The following UNC13C variants were observed in gnomAD, a reference collection of about 807,000 sequenced individuals.
UNC13C encodes unc-13 homolog C.
A neutral mutation model predicts 245.4 loss-of-function variants in UNC13C; 174 were observed. The ratio of observed to expected loss-of-function variants is 0.71; its 90% CI spans 0.63 to 0.80. UNC13C has a LOEUF of 0.80. Among genes scored for constraint, UNC13C ranks in the 30% least tolerant of loss-of-function variants. The pLI, the probability that UNC13C is intolerant of heterozygous loss-of-function variation, is 0.00. For synonymous variants in UNC13C, 992 were observed against 895.1 expected (o/e 1.11, Z -1.93); for missense variants, 2,829 against 2,602.9 (o/e 1.09, Z -1.89).
At chr15:54,573,761 G>A (rs1235457671) in intron 30 of UNC13C, among the ~76,000 whole-genome samples, 1 of 152,210 alleles carries the variant, frequency 6.6e-6, no homozygotes, top group African/African-American at 2.4e-5. Context: ...CTGGCATCTA[G>A]TACAGAGGCC....
chr15:53,877,839 A>C, the UNC13C span, among the ~76,000 whole-genome samples: 1 of 152,152 alleles, frequency 6.6e-6, no homozygotes, highest in Admixed American at 6.5e-5. Context: ...CAATATGCCA[A>C]TTCTACCCTC....
At chr15:54,245,155 C>T (rs893125270) in intron 7 of UNC13C, among the ~76,000 whole-genome samples, 1 of 152,050 alleles carries the variant, frequency 6.6e-6, no homozygotes, top group Non-Finnish European at 1.5e-5. Flanking sequence ...TTTTTAGTTT[C>T]ATGTATTTAT....
intron 17 of UNC13C, among the ~76,000 whole-genome samples, chr15:54,359,927 C>T (rs2039191053): frequency 1.3e-5 from 2 of 151,664 alleles, no homozygotes; most frequent in Non-Finnish European, 3.0e-5. Flanking sequence ...CTAAGGTATA[C>T]CTACCTTTCT....
At chr15:54,173,052 G>A (rs945814895) in intron 4 of UNC13C, among the ~76,000 whole-genome samples, 3 of 151,718 alleles carry the variant, frequency 2.0e-5, no homozygotes, top group Non-Finnish European at 4.4e-5. Flanking sequence ...TAATATGGAT[G>A]AGCCAATTTC....
At chr15:53,861,273 C>G in the UNC13C span, among the ~76,000 whole-genome samples, 1 of 152,172 alleles carries the variant, frequency 6.6e-6, no homozygotes, top group South Asian at 2.1e-4. Context: ...GTATAGTTAT[C>G]TAAAAGGTAA....
intron 2 of UNC13C, among the ~76,000 whole-genome samples, chr15:54,089,030 C>T (rs1430939305): frequency 6.6e-6 from 1 of 152,180 alleles, no homozygotes; most frequent in Admixed American, 6.5e-5. Context: ...TCACATACCA[C>T]AGGCTCATGC....
At chr15:53,955,409 A>C in the UNC13C span, among the ~76,000 whole-genome samples, 2 of 152,208 alleles carry the variant, frequency 1.3e-5, no homozygotes, top group Admixed American at 6.5e-5. Flanking sequence ...GGTTATTAAA[A>C]GACATGATTT....
chr15:54,461,560 T>C (rs1458372805), intron 19 of UNC13C, among the ~76,000 whole-genome samples: 1 of 152,210 alleles, frequency 6.6e-6, no homozygotes, highest in African/African-American at 2.4e-5. Flanking sequence ...TAAAAATCCA[T>C]TAATAATTGT....
intron 2 of UNC13C, among the ~76,000 whole-genome samples, chr15:54,094,749 A>C (rs1258184246): frequency 6.6e-6 from 1 of 152,056 alleles, no homozygotes; most frequent in Non-Finnish European, 1.5e-5. Context: ...TTTTGTTACA[A>C]TTCTCTCTCT....
At chr15:54,525,440 G>T (rs1035716987) in intron 24 of UNC13C, 109 bp from the exon 25 acceptor site, 3 of 568,558 alleles carry the variant, frequency 5.3e-6, no homozygotes, top group East Asian at 3.4e-5. Flanking sequence ...AGAGAAAAAA[G>T]CTTACATGTT....
the UNC13C span, among the ~76,000 whole-genome samples, chr15:53,864,450 C>T: frequency 6.6e-6 from 1 of 152,164 alleles, no homozygotes; most frequent in Non-Finnish European, 1.5e-5. Flanking sequence ...TCAAAGAAAG[C>T]TACCTAATAT....
chr15:54,303,471 C>T (rs186674850), intron 13 of UNC13C, among the ~76,000 whole-genome samples: 8 of 152,194 alleles, frequency 5.3e-5, no homozygotes, highest in African/African-American at 1.7e-4. Context: ...TCCATCTTTT[C>T]TGTGTTCTAA....
At chr15:54,103,753 AT>A (rs201418057) in intron 2 of UNC13C, among the ~76,000 whole-genome samples, 1 of 151,354 alleles carries the variant, frequency 6.6e-6, no homozygotes, top group Non-Finnish European at 1.5e-5. Context: ...TTATTTATTT[AT>A]TTTTTTATGA....
intron 7 of UNC13C, among the ~76,000 whole-genome samples, chr15:54,245,714 A>G (rs2035973472): frequency 6.6e-6 from 1 of 152,186 alleles, no homozygotes; most frequent in Non-Finnish European, 1.5e-5. Flanking sequence ...TTTTGTCCAG[A>G]AAAAATAACA....
At chr15:54,355,182 T>C (rs771577470) in intron 17 of UNC13C, among the ~76,000 whole-genome samples, 1 of 152,218 alleles carries the variant, frequency 6.6e-6, no homozygotes, top group Non-Finnish European at 1.5e-5. Context: ...ATTTTCTTTA[T>C]AAATTTCCCA....
chr15:54,627,913 A>C lies in UNC13C; in HGVS notation c.*800A>C, dbSNP rs1480035185. 2 of 152,544 alleles carry C rather than the reference A, an allele frequency of 1.3e-5. No homozygotes were observed. Among genetic ancestry groups the C allele is most frequent in the Non-Finnish European group, 2.9e-5 (2 of 67,994 alleles). 9.4% of individuals were successfully genotyped at this position (152,544 alleles called of 1,614,324 possible). A position where few individuals can be genotyped will look rare whatever the true frequency, so the allele number is the denominator to read the frequency against. ...AGAAATGGGATGGAAAGTTTACTGA[A>C]AATACCTGTAAGTAACTATATTGTT... On this transcript the variant is annotated 3_prime_UTR_variant, in exon 33 of 33. Coordinates refer to ENST00000260323, the MANE Select transcript of UNC13C (RefSeq NM_001080534.3).
intron 19 of UNC13C, among the ~76,000 whole-genome samples, chr15:54,482,980 A>C (rs891514558): frequency 2.6e-5 from 4 of 152,208 alleles, no homozygotes; most frequent in Non-Finnish European, 5.9e-5. Context: ...TATTAAGAAA[A>C]TTTAACTATT....
At chr15:53,936,927 G>T in the UNC13C span, among the ~76,000 whole-genome samples, 2 of 152,112 alleles carry the variant, frequency 1.3e-5, no homozygotes, top group South Asian at 4.1e-4. Context: ...AGATGAGAAA[G>T]AATCAATGCA....
In UNC13C at chr15:54,015,128, A is replaced by G; in HGVS notation, c.2225A>G (p.Gln742Arg). The G allele has an allele frequency of 6.2e-7, 1 of 1,612,486 alleles. No individual in the cohort carries two copies. The highest frequency in any genetic ancestry group is 8.5e-7 in the Non-Finnish European group (1 of 1,179,258). Residue 742 changes from glutamine to arginine, a missense_variant, in exon 2 of 33, where the codon CAG becomes CGG. Physicochemically the swap from Gln to Arg is conservative, Grantham distance 43. Coordinates refer to ENST00000260323, the MANE Select transcript of UNC13C (RefSeq NM_001080534.3). ...GQWVGQYDSY[Q>R]GANSNELYQN... ...TGGGTTGGCCAATATGATTCTTATC[A>G]GGGAGCTAATTCTAATGAGCTATAC...
Sources: allele counts gnomAD v4.1 joint callset (sites outside exome capture counted in the v4.1 genomes callset), GRCh38; gene constraint gnomAD v4.1.1; transcripts MANE v1.5; gene names NCBI Gene and HGNC (gene_info 2026-07-23, HGNC 2026-07-21).